Variants in OXR1 observed in about 807,000 individuals in gnomAD.
OXR1 encodes oxidation resistance protein 1.
OXR1 carries 41 observed loss-of-function variants against 104.6 expected under a neutral mutation model. That is an observed-to-expected ratio of 0.39 (90% CI 0.31 to 0.51). OXR1 has a LOEUF of 0.51. OXR1 is among the 20% of genes least tolerant of loss of function. OXR1 has a pLI of 0.77. For synonymous variants in OXR1, 348 were observed against 348.4 expected (o/e 1.00, Z 0.01); for missense variants, 955 against 1,031.9 (o/e 0.93, Z 1.02).
intron 3 of OXR1, among the ~76,000 whole-genome samples, chr8:106,636,269 A>T (rs1294625697): frequency 6.6e-6 from 1 of 152,142 alleles, no homozygotes; most frequent in Non-Finnish European, 1.5e-5. Flanking sequence ...ATTCCTTTTA[A>T]CATCATATAA....
chr8:106,657,768 C>G, intron 3 of OXR1: 1 of 1,129,958 alleles, frequency 8.8e-7, no homozygotes, highest in Non-Finnish European at 1.1e-6. Context: ...TTTTCGAAAA[C>G]TTTTGTCCGT....
chr8:106,342,455 A>G (rs1440402301), intron 1 of OXR1, among the ~76,000 whole-genome samples: 1 of 151,654 alleles, frequency 6.6e-6, no homozygotes, highest in Non-Finnish European at 1.5e-5. Context: ...GGGTTTCGCC[A>G]TTTTGGCCAG....
At chr8:106,579,198 T>C (rs1586840540) in intron 3 of OXR1, among the ~76,000 whole-genome samples, 1 of 152,254 alleles carries the variant, frequency 6.6e-6, no homozygotes, top group African/African-American at 2.4e-5. Context: ...TGGGTTTCAT[T>C]GTAATTCCCT....
intron 2 of OXR1, among the ~76,000 whole-genome samples, chr8:106,492,825 T>C (rs1053270295): frequency 6.6e-6 from 1 of 152,158 alleles, no homozygotes; most frequent in African/African-American, 2.4e-5. Context: ...GCTTACCAAA[T>C]TGTGTTAAGA....
chr8:106,638,847 T>C (rs1422927613), intron 3 of OXR1, among the ~76,000 whole-genome samples: 1 of 149,452 alleles, frequency 6.7e-6, no homozygotes, highest in Non-Finnish European at 1.5e-5. Flanking sequence ...TGAGCAGATA[T>C]CGTGCCACTG....
At chr8:106,478,158 A>G (rs1416469265) in intron 2 of OXR1, among the ~76,000 whole-genome samples, 4 of 151,922 alleles carry the variant, frequency 2.6e-5, no homozygotes, top group Admixed American at 2.6e-4. Flanking sequence ...CTTGTTATAT[A>G]AATAGTTGAG....
At chr8:106,274,183 A>G (rs867322795) in intron 1 of OXR1, among the ~76,000 whole-genome samples, 5 of 152,340 alleles carry the variant, frequency 3.3e-5, no homozygotes, top group African/African-American at 9.6e-5. Context: ...TTTGAAATCG[A>G]CAGCATGGAG....
intron 12 of OXR1, among the ~76,000 whole-genome samples, chr8:106,738,736 C>A (rs1003876395): frequency 7.8e-6 from 1 of 128,908 alleles, no homozygotes; most frequent in Non-Finnish European, 1.6e-5. Context: ...TTTAAGAATA[C>A]CAGTGAAATC....
At chr8:106,608,342 C>A (rs1328137208) in intron 3 of OXR1, among the ~76,000 whole-genome samples, 3 of 151,950 alleles carry the variant, frequency 2.0e-5, no homozygotes, top group Admixed American at 6.6e-5. Flanking sequence ...AAAAAAAATC[C>A]ATTTTATCAA....
At chr8:106,544,398 G>A (rs1815190891) in intron 3 of OXR1, among the ~76,000 whole-genome samples, 1 of 152,052 alleles carries the variant, frequency 6.6e-6, no homozygotes, top group Non-Finnish European at 1.5e-5. Flanking sequence ...GAAGCATGCA[G>A]AAACCTATTT....
chr8:106,419,488 G>A (rs1192040669), intron 2 of OXR1, among the ~76,000 whole-genome samples: 1 of 152,096 alleles, frequency 6.6e-6, no homozygotes, highest in Non-Finnish European at 1.5e-5. Context: ...GGTGATAGAT[G>A]AGCTCATCAT....
chr8:106,703,636 A>G (rs1830795278), intron 8 of OXR1, among the ~76,000 whole-genome samples: 1 of 152,162 alleles, frequency 6.6e-6, no homozygotes, highest in South Asian at 2.1e-4. Context: ...TTAACTTTGG[A>G]ATATACTGGT....
At chr8:106,599,643 A>G (rs983218775) in intron 3 of OXR1, among the ~76,000 whole-genome samples, 1 of 152,258 alleles carries the variant, frequency 6.6e-6, no homozygotes, top group Non-Finnish European at 1.5e-5. Context: ...GATAAAGCGT[A>G]GAGGAAGGAT....
intron 2 of OXR1, among the ~76,000 whole-genome samples, chr8:106,430,757 A>G (rs1819330851): frequency 6.6e-6 from 1 of 152,184 alleles, no homozygotes; most frequent in South Asian, 2.1e-4. Flanking sequence ...TCTCAGGGGA[A>G]AATAATTTTG....
At chr8:106,687,403 T>C (rs948957953) in intron 6 of OXR1, among the ~76,000 whole-genome samples, 2 of 152,168 alleles carry the variant, frequency 1.3e-5, no homozygotes, top group African/African-American at 4.8e-5. Flanking sequence ...TTGTAAATAG[T>C]TCCATAATTA....
chr8:106,529,003 G>A (rs1813896011), intron 3 of OXR1, among the ~76,000 whole-genome samples: 1 of 152,046 alleles, frequency 6.6e-6, no homozygotes, highest in Non-Finnish European at 1.5e-5. Context: ...TACATTTTCT[G>A]GATCACAAAA....
chr8:106,291,246 G>C (rs765836655), intron 1 of OXR1, among the ~76,000 whole-genome samples: 1 of 152,108 alleles, frequency 6.6e-6, no homozygotes, highest in Non-Finnish European at 1.5e-5. Context: ...GAGAACACAT[G>C]AACCTAAACC....
chr8:106,317,894 C>T (rs1231569386), intron 1 of OXR1, among the ~76,000 whole-genome samples: 1 of 151,672 alleles, frequency 6.6e-6, no homozygotes, highest in Non-Finnish European at 1.5e-5. Context: ...CAATAATGTG[C>T]ATTAATATTC....
chr8:106,462,127 A>G (rs1206728251), intron 2 of OXR1, among the ~76,000 whole-genome samples: 2 of 152,166 alleles, frequency 1.3e-5, no homozygotes, highest in Non-Finnish European at 2.9e-5. Context: ...TGTATGTCTT[A>G]CATTAAAGAA....
Sources: gnomAD v4.1 joint callset for allele counts (sites outside exome capture counted in the v4.1 genomes callset) on GRCh38, gnomAD v4.1.1 for gene constraint, MANE v1.5 for transcripts, NCBI Gene and HGNC (gene_info 2026-07-23, HGNC 2026-07-21) for gene names.